The following CDC6 variants were observed in gnomAD, a reference collection of about 807,000 sequenced individuals.
CDC6 encodes the protein DNA replication factor CDC6.
Under a neutral mutation model 60.2 loss-of-function variants are expected in CDC6, and 46 were observed. The ratio of observed to expected loss-of-function variants is 0.76; its 90% CI spans 0.60 to 0.98. CDC6 has a LOEUF of 0.98. Among genes scored for constraint, CDC6 ranks in the 50% least tolerant of loss-of-function variants. The pLI is 0.00. For missense variants in CDC6, 596 were observed against 652.9 expected (o/e 0.91, Z 0.95); for synonymous variants, 210 against 233.2 (o/e 0.90, Z 0.90).
chr17:40,294,240 C>T (rs2032823434), intron 6 of CDC6, 124 bp from the exon 7 acceptor site: 3 of 917,784 alleles, frequency 3.3e-6, no homozygotes, highest in Non-Finnish European at 5.3e-6. Context: ...GGGTAGGAGA[C>T]AAGTGGCAAG....
At chr17:40,294,550 G>A (rs1009577233) in intron 7 of CDC6, 47 bp downstream of exon 7, 2 of 1,582,982 alleles carry the variant, frequency 1.3e-6, no homozygotes, top group Non-Finnish European at 1.7e-6. Context: ...TGGATCACCT[G>A]TGCTAGGAAA....
chr17:40,299,962 T>C (rs987513220), intron 9 of CDC6, among the ~76,000 whole-genome samples: 1 of 152,060 alleles, frequency 6.6e-6, no homozygotes, highest in African/African-American at 2.4e-5. Context: ...CCAACTTTTT[T>C]TTCCCTTTCT....
rs1376507510 is a variant in CDC6, at chr17:40,294,334, A to G, written c.944-30A>G. 3 of 1,535,346 alleles carry G rather than the reference A, an allele frequency of 2.0e-6. 1 individual carries two copies. The South Asian group carries it at 3.4e-5, about 17-fold the overall frequency. ...GTTTTCCCTTTAGGATAATTTGACC[A>G]ATGATCAATGTTGTTGATCTCCTCC... On this transcript the variant is annotated intron_variant, in intron 6 of 11. Transcript: ENST00000209728.
Position 40,301,454 on chromosome 17 carries a change from T to A in CDC6, c.1453-14T>A. 1.2e-6 allele frequency: 2 copies of A among 1,613,744 alleles called. No individual in the cohort carries two copies. Among genetic ancestry groups the A allele is most frequent in the Non-Finnish European group, 1.7e-6 (2 of 1,179,582 alleles). ...ACTTTTAAGCAGCGTTTGTTCTCCC[T>A]TGTTTCCTACCAGTTATATGAAGCC... On this transcript the variant is annotated splice_polypyrimidine_tract_variant and intron_variant, in intron 10 of 11. Transcript: ENST00000209728.
At chr17:40,294,818 G>T (rs1325710053) in intron 7 of CDC6, among the ~76,000 whole-genome samples, 5 of 151,404 alleles carry the variant, frequency 3.3e-5, no homozygotes, top group African/African-American at 9.7e-5. Context: ...TCTGCCTCAC[G>T]GGTTCAAGCG....
At position 40,291,567 on chromosome 17, in the gene CDC6, A is replaced by G; in HGVS notation, c.559A>G (p.Arg187Gly). The G allele has an allele frequency of 6.2e-7, 1 of 1,614,216 alleles. No individual in the cohort carries two copies. ...GATGGATGTCATCAGGAATTTCTTGAGGGAACACATCTGTGGGAAAAAAGC... is the reference window on the plus strand; with the variant it reads ...GATGGATGTCATCAGGAATTTCTTGGGGGAACACATCTGTGGGAAAAAAGC... ...REMDVIRNFL[R>G]EHICGKKAGS... is the part of the protein sequence containing the mutation. Residue 187 changes from arginine (R) to glycine (G), a missense_variant, in exon 4 of 12, where the codon AGG (arginine) becomes GGG (glycine). Physicochemically the swap from Arg to Gly is moderately radical, Grantham distance 125 (BLOSUM62 -2). Transcript: ENST00000209728.
chr17:40,292,899 C>T (rs2032788480), intron 4 of CDC6, among the ~76,000 whole-genome samples: 1 of 151,258 alleles, frequency 6.6e-6, no homozygotes, highest in Admixed American at 6.6e-5. Context: ...CACTGCACTC[C>T]AGCATGGGCG....
chr17:40,299,993 C>CACAAGAGTGA lies in CDC6; in HGVS notation c.1250-833_1250-832insAAGAGTGAAC, dbSNP rs1290483377. Among the ~76,000 whole-genome samples, 9 of 151,592 alleles carry CACAAGAGTGA rather than the reference C, an allele frequency of 5.9e-5. No individual in the cohort carries two copies. The East Asian group carries it at 1.7e-3, about 29-fold the overall frequency. ...TTTCTTTTTTTTTTATATGGAGTTTCACTCTTGTCGTCCAGGCTGGAGTGC... is the reference window on the plus strand; with the variant it reads ...TTTCTTTTTTTTTTATATGGAGTTTCACAAGAGTGAACTCTTGTCGTCCAGGCTGGAGTGC... On this transcript the variant is annotated intron_variant, in intron 9 of 11. Coordinates refer to ENST00000209728, the MANE Select transcript of CDC6 (RefSeq NM_001254.4).
chr17:40,292,592 G>A (rs571768370), intron 4 of CDC6, among the ~76,000 whole-genome samples: 42 of 151,136 alleles, frequency 2.8e-4, no homozygotes, highest in African/African-American at 9.2e-4. Context: ...CTGAGATCGC[G>A]CTACTGTACT....
intron 5 of CDC6, 128 bp downstream of exon 5, chr17:40,293,759 A>G: frequency 1.1e-6 from 1 of 910,450 alleles, no homozygotes; most frequent in Non-Finnish European, 1.8e-6. Flanking sequence ...AAGAGAAGGA[A>G]GATACACCTA....
chr17:40,303,799 G>A lies in CDC6; in HGVS notation c.*1798G>A, dbSNP rs1348230520. ...ACTGAATGGGATTGAGAACAGATGCGAAGCTTGATTTAAATTACATTTTAT... is the reference window on the plus strand; with the variant it reads ...ACTGAATGGGATTGAGAACAGATGCAAAGCTTGATTTAAATTACATTTTAT... On this transcript the variant is annotated 3_prime_UTR_variant, in exon 12 of 12. Coordinates refer to ENST00000209728, the MANE Select transcript of CDC6 (RefSeq NM_001254.4). 2.6e-5 allele frequency: 4 copies of A among 152,256 alleles called. No individual in the cohort carries two copies. Among genetic ancestry groups the A allele is most frequent in the African/African-American group, 7.2e-5 (3 of 41,466 alleles). The allele number at this position is 152,256 out of a possible 1,614,324, so 9.4% of individuals were successfully genotyped here.
chr17:40,289,047 G>C, intron 1 of CDC6: 1 of 319,540 alleles, frequency 3.1e-6, no homozygotes, highest in South Asian at 2.6e-5. Flanking sequence ...TTAAGAACTT[G>C]GGCTCTGGCA....
chr17:40,296,631 G>A lies in CDC6; in HGVS notation c.1185-72G>A, dbSNP rs556723192. Reference sequence around the variant, plus strand: ...TTTGAGCAATGGTCATTAATGTGCCGCTTTTGAGGCTGGTGGTTTGGTGTG... The same window carrying A: ...TTTGAGCAATGGTCATTAATGTGCCACTTTTGAGGCTGGTGGTTTGGTGTG... On this transcript the variant is annotated intron_variant, in intron 8 of 11. Transcript: ENST00000209728. 8.3e-4 allele frequency: 711 copies of A among 854,542 alleles called. 1 individual carries two copies. The highest frequency in any genetic ancestry group is 1.3e-3 in the Non-Finnish European group (639 of 496,852). 52.9% of individuals were successfully genotyped at this position (854,542 alleles called of 1,614,324 possible).
At chr17:40,289,827 GC>G (rs1180905343) in intron 2 of CDC6, among the ~76,000 whole-genome samples, 1 of 147,460 alleles carries the variant, frequency 6.8e-6, no homozygotes, top group African/African-American at 2.5e-5. Context: ...TCCTGCCTCA[GC>G]CTCCCAAGTA....
intron 1 of CDC6, among the ~76,000 whole-genome samples, chr17:40,288,611 G>A (rs1402248899): frequency 6.8e-6 from 1 of 146,668 alleles, no homozygotes; most frequent in Non-Finnish European, 1.5e-5. Context: ...TTGAGACGGA[G>A]TCTCGCTCGG....
Position 40,302,012 on chromosome 17 carries a change from TAC to T in CDC6, c.*14_*15del. 1 of 1,443,084 alleles carries T rather than the reference TAC, an allele frequency of 6.9e-7. No individual in the cohort carries two copies. Among genetic ancestry groups the T allele is most frequent in the Non-Finnish European group, 9.8e-7 (1 of 1,023,866 alleles). The allele number at this position is 1,443,084 out of a possible 1,614,324, so 89.4% of individuals were successfully genotyped here. ...ACTGGATTGCCTTAAATTCTTCTCT[TAC>T]ACCCCACCCGAAAGTATTCAGCTGG... On this transcript the variant is annotated 3_prime_UTR_variant, in exon 12 of 12. Transcript: ENST00000209728.
At chr17:40,300,797 T>C (rs2032928541) in intron 9 of CDC6, 31 bp from the exon 10 acceptor site, 1 of 1,516,550 alleles carries the variant, frequency 6.6e-7, no homozygotes, top group Non-Finnish European at 9.2e-7. Flanking sequence ...ATTTTAGAAA[T>C]CGAATTAAGC....
chr17:40,294,342 ATGT>A lies in CDC6; in HGVS notation c.944-16_944-14del. ...TTTAGGATAATTTGACCAATGATCA[ATGT>A]TGTTGATCTCCTCCTTAGGTATTGC... On this transcript the variant is annotated intron_variant, in intron 6 of 11. Coordinates refer to ENST00000209728, the MANE Select transcript of CDC6 (RefSeq NM_001254.4). The A allele has an allele frequency of 4.5e-6, 7 of 1,567,760 alleles. No homozygotes were observed. The highest frequency in any genetic ancestry group is 6.1e-6 in the Non-Finnish European group (7 of 1,138,398).
chr17:40,294,196 C>T, intron 6 of CDC6, 140 bp downstream of exon 6: 1 of 917,574 alleles, frequency 1.1e-6, no homozygotes, highest in East Asian at 2.5e-5. Flanking sequence ...CTATGTACAT[C>T]TTACCTAATA....
Sources: allele counts gnomAD v4.1 joint callset (sites outside exome capture counted in the v4.1 genomes callset), GRCh38; gene constraint gnomAD v4.1.1; transcripts MANE v1.5; gene names NCBI Gene and HGNC (gene_info 2026-07-23, HGNC 2026-07-21).